Variants in NETO1 observed in about 807,000 individuals in gnomAD.
NETO1 encodes neuropilin and tolloid-like protein 1.
Under a neutral mutation model 61.3 loss-of-function variants are expected in NETO1, and 26 were observed. The ratio of observed to expected loss-of-function variants is 0.42; its 90% CI spans 0.31 to 0.59. The LOEUF (loss-of-function observed/expected upper bound fraction) is 0.59. Ranked by LOEUF, NETO1 falls within the 20% of genes least tolerant of loss-of-function variation. NETO1 has a pLI of 0.12. For missense variants in NETO1, 531 were observed against 662.8 expected (o/e 0.80, Z 2.18); for synonymous variants, 225 against 225.8 (o/e 1.00, Z 0.03).
intron 7 of NETO1, among the ~76,000 whole-genome samples, chr18:72,760,377 T>C (rs1005241376): frequency 3.3e-5 from 5 of 152,204 alleles, no homozygotes; most frequent in African/African-American, 9.7e-5. Flanking sequence ...CAATAGACTG[T>C]AGATTAAACA....
intron 4 of NETO1, among the ~76,000 whole-genome samples, chr18:72,849,398 A>G (rs1312539842): frequency 6.6e-6 from 1 of 152,142 alleles, no homozygotes; most frequent in East Asian, 1.9e-4. Flanking sequence ...TAGTCTGTTG[A>G]TGAAGATTTA....
chr18:72,865,361 G>T, intron 1 of NETO1, 120 bp from the exon 2 acceptor site: 3 of 1,140,996 alleles, frequency 2.6e-6, no homozygotes, highest in Non-Finnish European at 3.8e-6. Flanking sequence ...ATTGTTAACT[G>T]TTAGAAGTCG....
intron 4 of NETO1, among the ~76,000 whole-genome samples, chr18:72,816,831 T>C (rs921798690): frequency 6.6e-6 from 1 of 152,188 alleles, no homozygotes; most frequent in African/African-American, 2.4e-5. Flanking sequence ...AAAACCACAG[T>C]TGAAGAGCTG....
chr18:72,746,665 AT>A lies in NETO1; in HGVS notation c.*1513del, dbSNP rs902824386. On this transcript the variant is annotated 3_prime_UTR_variant, in exon 11 of 11. Coordinates refer to ENST00000327305, the MANE Select transcript of NETO1 (RefSeq NM_138966.5). ...CATCTAGTTTGCAAAGCCTGCTTGA[AT>A]TGCAAAGTCCAAATTTTAGTAGACC... is the stretch of plus-strand genomic sequence containing the variant. Among the ~76,000 whole-genome samples the A allele has an allele frequency of 4.4e-4, 67 of 152,076 alleles. 1 individual carries two copies. The highest frequency in any genetic ancestry group is 1.6e-3 in the African/African-American group (65 of 41,504).
rs190114605 is a variant in NETO1, at chr18:72,861,048, C to T, written c.221-1974G>A. Among the ~76,000 whole-genome samples, 13 of 152,246 alleles carry T rather than the reference C, an allele frequency of 8.5e-5. No individual in the cohort carries two copies. In the East Asian group the frequency reaches 1.7e-3, roughly 20 times the overall value. On this transcript the variant is annotated intron_variant, in intron 3 of 10. Transcript: ENST00000327305. Reference sequence around the variant, plus strand: ...CAGTCCTTAGCTAATTTACTTAGAACTCTATCTGTCATCTTTTAACACGCA... The same window carrying T: ...CAGTCCTTAGCTAATTTACTTAGAATTCTATCTGTCATCTTTTAACACGCA...
chr18:72,779,659 G>A (rs1246792346), intron 7 of NETO1, among the ~76,000 whole-genome samples: 1 of 152,150 alleles, frequency 6.6e-6, no homozygotes, highest in Admixed American at 6.5e-5. Flanking sequence ...CTAGACCCAT[G>A]TACGTCATCA....
chr18:72,792,288 A>G (rs1209573455), intron 6 of NETO1, among the ~76,000 whole-genome samples: 1 of 152,080 alleles, frequency 6.6e-6, no homozygotes, highest in East Asian at 1.9e-4. Context: ...AAAAAAAGTT[A>G]GCCAAGTGTG....
At chr18:72,814,401 C>G (rs904779963) in intron 4 of NETO1, among the ~76,000 whole-genome samples, 2 of 149,080 alleles carry the variant, frequency 1.3e-5, no homozygotes, top group Non-Finnish European at 3.0e-5. Context: ...AATTTAATTC[C>G]AAAAATAAAT....
rs1417053542 is a variant in NETO1, at chr18:72,750,601, C to A, written c.1002G>T (p.Leu334=). 6.2e-7 allele frequency: 1 copy of A among 1,606,584 alleles called. No homozygotes were observed. The highest frequency in any genetic ancestry group is 1.1e-5 in the South Asian group (1 of 91,016). ...CACTGGTGTTGGTCAGCTGGTCCAG[C>A]AGGCTGGTTTTCCTCTTCTCTATAG... ...NHCKEKRKTS[L]LDQLTNTSGT... is the part of the protein sequence containing the mutation. The change falls in exon 9 of 11, where the codon CTG becomes CTT. Residue 334 remains leucine, a synonymous_variant. Coordinates refer to ENST00000327305, the MANE Select transcript of NETO1 (RefSeq NM_138966.5).
intron 4 of NETO1, among the ~76,000 whole-genome samples, chr18:72,827,059 C>T (rs1052310826): frequency 1.3e-5 from 2 of 150,228 alleles, no homozygotes; most frequent in African/African-American, 4.9e-5. Context: ...CAAGGATCCC[C>T]AGAGAACCGC....
chr18:72,854,434 C>A (rs2074353948), intron 4 of NETO1, among the ~76,000 whole-genome samples: 2 of 152,158 alleles, frequency 1.3e-5, no homozygotes, highest in African/African-American at 2.4e-5. Flanking sequence ...CATTCTATGT[C>A]TGTAAATGAC....
intron 4 of NETO1, among the ~76,000 whole-genome samples, chr18:72,807,590 A>G (rs2072715488): frequency 6.6e-6 from 1 of 152,146 alleles, no homozygotes; most frequent in East Asian, 1.9e-4. Context: ...TAACAAGGCA[A>G]TACTACTGTT....
intron 4 of NETO1, among the ~76,000 whole-genome samples, chr18:72,831,440 T>C (rs1010713393): frequency 6.6e-6 from 1 of 152,226 alleles, no homozygotes; most frequent in African/African-American, 2.4e-5. Flanking sequence ...TGTCTCTTCC[T>C]TCAGACAATC....
intron 1 of NETO1, chr18:72,865,678 T>A (rs1468511704): frequency 1.3e-6 from 2 of 1,562,798 alleles, no homozygotes; most frequent in Non-Finnish European, 1.7e-6. Flanking sequence ...TGACTGTTCC[T>A]GACATACTGC....
At chr18:72,798,839 T>C (rs1295083480) in intron 4 of NETO1, among the ~76,000 whole-genome samples, 1 of 152,186 alleles carries the variant, frequency 6.6e-6, no homozygotes, top group Admixed American at 6.5e-5. Context: ...AAATTACAGG[T>C]TCATTGCAAC....
intron 4 of NETO1, chr18:72,834,449 A>G (rs780109145): frequency 1.0e-6 from 1 of 979,978 alleles, no homozygotes; most frequent in Non-Finnish European, 1.2e-6. Flanking sequence ...ACAGAAAAAC[A>G]TATCTGGGGC....
At chr18:72,772,872 T>G (rs1320798570) in intron 7 of NETO1, among the ~76,000 whole-genome samples, 2 of 121,604 alleles carry the variant, frequency 1.6e-5, no homozygotes, top group Non-Finnish European at 3.4e-5. Flanking sequence ...TATATATATA[T>G]CAGTTTCATC....
intron 1 of NETO1, 65 bp from the exon 2 acceptor site, chr18:72,865,306 A>C: frequency 7.6e-7 from 1 of 1,314,960 alleles, no homozygotes; most frequent in Non-Finnish European, 1.1e-6. Flanking sequence ...TAAAAACATA[A>C]CATAATTTCA....
chr18:72,842,208 G>A (rs564179449), intron 4 of NETO1, among the ~76,000 whole-genome samples: 1 of 152,226 alleles, frequency 6.6e-6, no homozygotes, highest in Admixed American at 6.5e-5. Context: ...TATTACCTCA[G>A]TATTTGAAAC....
Sources: allele counts gnomAD v4.1 joint callset (sites outside exome capture counted in the v4.1 genomes callset), GRCh38; gene constraint gnomAD v4.1.1; transcripts MANE v1.5; gene names NCBI Gene and HGNC (gene_info 2026-07-23, HGNC 2026-07-21).